KIAA2012: variants seen among roughly 807,000 people sequenced by gnomAD.
KIAA2012 encodes the protein KIAA2012, also known as uncharacterized protein KIAA2012.
In KIAA2012, 125 loss-of-function variants were observed where a neutral mutation model predicts 150.6. That is an observed-to-expected ratio of 0.83 (90% CI 0.72 to 0.96). The LOEUF (loss-of-function observed/expected upper bound fraction) is 0.96, where lower values mean the gene tolerates loss of function less well. Among genes scored for constraint, KIAA2012 ranks in the 40% least tolerant of loss-of-function variants. The pLI is 0.00. For missense variants in KIAA2012, 1,219 were observed against 1,354.9 expected (o/e 0.90, Z 1.57); for synonymous variants, 462 against 504.7 (o/e 0.92, Z 1.13).
intron 22 of KIAA2012, chr2:202,201,277 T>A: frequency 6.4e-6 from 10 of 1,565,038 alleles, no homozygotes; most frequent in Non-Finnish European, 8.8e-6. Context: ...CAACAACATG[T>A]GTCTAAACTG....
intron 13 of KIAA2012, among the ~76,000 whole-genome samples, chr2:202,146,655 C>T (rs1399471630): frequency 1.5e-5 from 2 of 137,640 alleles, no homozygotes; most frequent in East Asian, 2.2e-4. Flanking sequence ...AAAAAAAAGC[C>T]AGGTGTGTTG....
At position 202,190,196 on chromosome 2, in the gene KIAA2012, T is replaced by TA. The variant is rs760609491; in HGVS notation, c.2523dup (p.Leu842IlefsTer28). 4.6e-5 allele frequency: 69 copies of TA among 1,495,274 alleles called. No homozygotes were observed. Among genetic ancestry groups the TA allele is most frequent in the Admixed American group, 3.5e-4 (14 of 40,338 alleles). The allele number at this position is 1,495,274 out of a possible 1,614,324, so 92.6% of individuals were successfully genotyped here. ...CAGGAAAGTCAAAGGACTCAAAGGC[T>TA]AAAAAAAAATTAGAAAAAAAAACAA... On this transcript the variant is annotated frameshift_variant, in exon 19 of 24. Transcript: ENST00000498697. LOFTEE classifies it high-confidence loss of function.
chr2:202,186,614 A>C (rs902113316), intron 16 of KIAA2012, among the ~76,000 whole-genome samples: 2 of 152,234 alleles, frequency 1.3e-5, no homozygotes, highest in African/African-American at 4.8e-5. Flanking sequence ...TTTTCCAGCT[A>C]ATCCTTTGAT....
At chr2:202,141,887 A>G (rs1415679797) in intron 13 of KIAA2012, among the ~76,000 whole-genome samples, 1 of 152,220 alleles carries the variant, frequency 6.6e-6, no homozygotes, top group Non-Finnish European at 1.5e-5. Flanking sequence ...ATTATAAATG[A>G]AAATTTCAAG....
rs376920375 is a variant in KIAA2012, at chr2:202,181,929, G to A, written c.2120-2824G>A. On this transcript the variant is annotated intron_variant, in intron 15 of 23. Transcript: ENST00000498697. ...CAAATTGTACAATTCCCATGAAACCGTCACCACAATCGAAATACAATATTC... is the reference window on the plus strand; with the variant it reads ...CAAATTGTACAATTCCCATGAAACCATCACCACAATCGAAATACAATATTC... 1.3e-4 allele frequency among the ~76,000 whole-genome samples: 19 copies of A among 151,964 alleles called. 1 individual carries two copies. The East Asian group carries it at 2.1e-3, about 17-fold the overall frequency.
chr2:202,202,454 T>C lies in KIAA2012; in HGVS notation c.3433T>C (p.Phe1145Leu), dbSNP rs4673235. 395,774 of 399,406 alleles carry C rather than the reference T, an allele frequency of 0.99. 196,169 individuals are homozygous for C. The highest frequency in any genetic ancestry group is 1 in the East Asian group (28,080 of 28,080). The allele number at this position is 399,406 out of a possible 1,614,324, so 24.7% of individuals were successfully genotyped here. A position where few individuals can be genotyped will look rare whatever the true frequency, so the allele number is the denominator to read the frequency against. ...ARQKAALEKH[F>L]HFYQELHKEA... ...GCAAAAAGCTGCTTTGGAGAAACATTTTCATTTCTATCAAGAACTCCATAA... is the reference window on the plus strand; with the variant it reads ...GCAAAAAGCTGCTTTGGAGAAACATCTTCATTTCTATCAAGAACTCCATAA... The change falls in exon 23 of 24, where the codon TTT becomes CTT. Residue 1145 changes from phenylalanine (F) to leucine (L), a missense_variant. Phe to Leu is a conservative substitution (Grantham distance 22). Coordinates refer to ENST00000498697, the MANE Select transcript of KIAA2012 (RefSeq NM_001277372.4).
chr2:202,191,357 T>G (rs1162007526), intron 19 of KIAA2012, among the ~76,000 whole-genome samples: 1 of 151,796 alleles, frequency 6.6e-6, no homozygotes, highest in South Asian at 2.1e-4. Flanking sequence ...AGAGAAAAAC[T>G]GAGTGTAAGG....
At chr2:202,094,525 T>C (rs1245529304) in intron 4 of KIAA2012, among the ~76,000 whole-genome samples, 1 of 152,098 alleles carries the variant, frequency 6.6e-6, no homozygotes, top group African/African-American at 2.4e-5. Flanking sequence ...ATTTTTTATT[T>C]TTTTTAGAGA....
intron 22 of KIAA2012, 142 bp from the exon 23 acceptor site, chr2:202,202,287 T>A (rs1692544975): frequency 2.5e-6 from 1 of 403,226 alleles, no homozygotes; most frequent in African/African-American, 2.1e-5. Flanking sequence ...ATGAAGAGTA[T>A]GATCTTCCAC....
At chr2:202,132,802 A>ATT (rs1227829333) in intron 12 of KIAA2012, among the ~76,000 whole-genome samples, 9 of 94,692 alleles carry the variant, frequency 9.5e-5, no homozygotes, top group African/African-American at 2.2e-4. Flanking sequence ...ATATATATAT[A>ATT]TTTTTTTTTT....
chr2:202,081,397 T>C (rs1559196294), intron 2 of KIAA2012, among the ~76,000 whole-genome samples: 1 of 152,170 alleles, frequency 6.6e-6, no homozygotes, highest in Non-Finnish European at 1.5e-5. Context: ...ATATAGTAAT[T>C]CTATTTTTAA....
chr2:202,098,673 A>G (rs1304919331), intron 5 of KIAA2012, among the ~76,000 whole-genome samples: 2 of 152,076 alleles, frequency 1.3e-5, no homozygotes, highest in Non-Finnish European at 2.9e-5. Flanking sequence ...AATCGTAACT[A>G]ACTTTGAGCC....
At chr2:202,204,389 T>C (rs1343335266) in intron 23 of KIAA2012, among the ~76,000 whole-genome samples, 1 of 152,202 alleles carries the variant, frequency 6.6e-6, no homozygotes, top group Non-Finnish European at 1.5e-5. Flanking sequence ...GGATGAGACT[T>C]GATTAGATAT....
intron 16 of KIAA2012, 30 bp downstream of exon 16, chr2:202,184,873 CT>C (rs1177803234): frequency 1.4e-6 from 2 of 1,473,148 alleles, no homozygotes; most frequent in African/African-American, 2.9e-5. Context: ...ATAACATAGG[CT>C]TCTCTGCTTT....
chr2:202,087,002 C>T (rs1383043855), intron 2 of KIAA2012, among the ~76,000 whole-genome samples: 2 of 152,186 alleles, frequency 1.3e-5, no homozygotes, highest in African/African-American at 4.8e-5. Flanking sequence ...TTCATGATTA[C>T]CAATGGTTGA....
chr2:202,202,978 T>G (rs763365716), intron 23 of KIAA2012, among the ~76,000 whole-genome samples: 11 of 151,724 alleles, frequency 7.3e-5, no homozygotes, highest in Admixed American at 2.0e-4. Flanking sequence ...GTTAGTTCCA[T>G]TTCATCTGCT....
chr2:202,147,323 C>T lies in KIAA2012; in HGVS notation c.1909-7350C>T, dbSNP rs554167033. ...TTTGTGAAAGTTTCTTAATTGCTTT[C>T]GCCATATACCTAAGGGCGCACAGCT... is the stretch of plus-strand genomic sequence containing the variant. On this transcript the variant is annotated intron_variant, in intron 13 of 23. Transcript: ENST00000498697. 3.3e-5 allele frequency among the ~76,000 whole-genome samples: 5 copies of T among 152,226 alleles called. 1 individual carries two copies. Among genetic ancestry groups the T allele is most frequent in the South Asian group, 2.1e-4 (1 of 4,812 alleles).
intron 11 of KIAA2012, among the ~76,000 whole-genome samples, chr2:202,123,975 G>A (rs891812312): frequency 9.9e-5 from 15 of 152,090 alleles, no homozygotes; most frequent in African/African-American, 3.4e-4. Flanking sequence ...GATCAGCTGA[G>A]GTCAGGAGGT....
chr2:202,197,993 G>A (rs1672173900), intron 22 of KIAA2012: 1 of 151,680 alleles, frequency 6.6e-6, no homozygotes, highest in Non-Finnish European at 1.5e-5. Flanking sequence ...GGTCAACATG[G>A]TGAAACCTCA....
Sources: gnomAD v4.1 joint callset for allele counts (sites outside exome capture counted in the v4.1 genomes callset) on GRCh38, gnomAD v4.1.1 for gene constraint, MANE v1.5 for transcripts, NCBI Gene and HGNC (gene_info 2026-07-23, HGNC 2026-07-21) for gene names.